The following RBFOX1 variants were observed in gnomAD, a reference collection of about 807,000 sequenced individuals.
The protein encoded by RBFOX1 is RNA binding protein fox-1 homolog 1.
RBFOX1 carries 8 observed loss-of-function variants against 57.7 expected under a neutral mutation model. That is an observed-to-expected ratio of 0.14 (90% CI 0.08 to 0.25). The LOEUF is 0.25. Ranked by LOEUF, RBFOX1 falls within the 10% of genes least tolerant of loss-of-function variation. RBFOX1 has a pLI of 1.00. For synonymous variants in RBFOX1, 326 were observed against 222.4 expected, an observed-to-expected ratio of 1.47 and a Z score of -4.15; for missense variants, 611 against 548.5, an observed-to-expected ratio of 1.11 and a Z score of -1.14.
chr16:6,187,434 T>C (rs893690181), intron 1 of RBFOX1, among the ~76,000 whole-genome samples: 4 of 151,970 alleles, frequency 2.6e-5, no homozygotes, highest in African/African-American at 9.7e-5. Flanking sequence ...GGATAAAAGA[T>C]TGGGAATTTA....
chr16:6,150,912 T>C (rs908205572), intron 1 of RBFOX1, among the ~76,000 whole-genome samples: 6 of 152,198 alleles, frequency 3.9e-5, no homozygotes, highest in African/African-American at 1.4e-4. Flanking sequence ...CGGCAATTCA[T>C]TGATTGACAC....
In RBFOX1 at chr16:5,261,740, C is replaced by T. The variant is rs1218459903; in HGVS notation, c.219+21635C>T. 4.6e-5 allele frequency among the ~76,000 whole-genome samples: 7 copies of T among 152,098 alleles called. No individual in the cohort carries two copies. The East Asian group carries it at 7.8e-4, about 17-fold the overall frequency. On this transcript the variant is annotated intron_variant, in intron 1 of 2. Transcript: ENST00000585867. ...AATTTTTTTGTATTTTTGGTAGACA[C>T]GGGGTTTCACCGTGTTAGCCAGGAT... is the stretch of plus-strand genomic sequence containing the variant.
At chr16:5,381,810 G>A (rs936307605) in intron 1 of RBFOX1, among the ~76,000 whole-genome samples, 1 of 152,194 alleles carries the variant, frequency 6.6e-6, no homozygotes, top group African/African-American at 2.4e-5. Context: ...GTAGAACCAA[G>A]GCTCAGAGAG....
intron 2 of RBFOX1, among the ~76,000 whole-genome samples, chr16:5,584,862 A>C (rs960516147): frequency 2.6e-5 from 4 of 152,152 alleles, no homozygotes; most frequent in Non-Finnish European, 5.9e-5. Context: ...ATGGAGAGGA[A>C]AGCTTCTTTT....
intron 3 of RBFOX1, among the ~76,000 whole-genome samples, chr16:6,908,058 C>A (rs1489348110): frequency 1.3e-5 from 2 of 151,778 alleles, no homozygotes; most frequent in Non-Finnish European, 2.9e-5. Context: ...TTTACTTGAT[C>A]TTCTGCAGAG....
intron 4 of RBFOX1, among the ~76,000 whole-genome samples, chr16:5,972,401 T>G (rs1009740695): frequency 7.9e-5 from 12 of 152,216 alleles, no homozygotes; most frequent in Admixed American, 5.9e-4. Flanking sequence ...TGATGGCAGG[T>G]CCCTCTGTTT....
At chr16:7,444,512 C>T (rs757683643) in intron 4 of RBFOX1, among the ~76,000 whole-genome samples, 1 of 152,078 alleles carries the variant, frequency 6.6e-6, no homozygotes, top group Non-Finnish European at 1.5e-5. Flanking sequence ...AAAAATTCCT[C>T]TGACTGGGTT....
intron 3 of RBFOX1, among the ~76,000 whole-genome samples, chr16:5,645,559 A>G (rs796934526): frequency 2.0e-5 from 3 of 152,366 alleles, no homozygotes; most frequent in African/African-American, 7.2e-5. Flanking sequence ...GTAAATTGTT[A>G]TATGAATTTT....
chr16:6,093,709 C>T (rs952565516), intron 1 of RBFOX1, among the ~76,000 whole-genome samples: 2 of 152,038 alleles, frequency 1.3e-5, no homozygotes, highest in Non-Finnish European at 2.9e-5. Flanking sequence ...GCAGCCTTAA[C>T]CTCCTAGGCT....
rs116318161 is a variant in RBFOX1 at position 5,984,534 on chromosome 16, G to A, written c.351+117199G>A. ...TGCTATGCAAAAGGTTTCATTGACAGGAATTACTTACCTAACCCTTGGAAC... is the reference window on the plus strand; with the variant it reads ...TGCTATGCAAAAGGTTTCATTGACAAGAATTACTTACCTAACCCTTGGAAC... On this transcript the variant is annotated intron_variant, in intron 4 of 19. Coordinates refer to the RBFOX1 transcript ENST00000641259. 4.6e-3 allele frequency among the ~76,000 whole-genome samples: 694 copies of A among 152,158 alleles called. 6 individuals carry two copies. Among genetic ancestry groups the A allele is most frequent in the African/African-American group, 0.016 (666 of 41,512 alleles).
chr16:5,671,938 C>T (rs1440483237), intron 3 of RBFOX1, among the ~76,000 whole-genome samples: 1 of 152,158 alleles, frequency 6.6e-6, no homozygotes, highest in East Asian at 1.9e-4. Flanking sequence ...GGTAGAGTCA[C>T]ACTTATAATC....
At chr16:5,954,033 C>T (rs1228925579) in intron 4 of RBFOX1, among the ~76,000 whole-genome samples, 1 of 152,246 alleles carries the variant, frequency 6.6e-6, no homozygotes, top group South Asian at 2.1e-4. Context: ...GTGCCATCAG[C>T]ATCTAGTGGG....
chr16:7,581,623 A>T (rs1328621062), intron 6 of RBFOX1, among the ~76,000 whole-genome samples: 1 of 152,072 alleles, frequency 6.6e-6, no homozygotes, highest in Admixed American at 6.5e-5. Flanking sequence ...GAGTCTCTCT[A>T]GTCTTACAGA....
chr16:6,635,405 C>A (rs529660273), intron 2 of RBFOX1, among the ~76,000 whole-genome samples: 2 of 152,140 alleles, frequency 1.3e-5, no homozygotes, highest in South Asian at 4.1e-4. Context: ...CTTATCCATG[C>A]AGGACCAAAG....
chr16:6,755,329 A>G (rs1382642007), intron 3 of RBFOX1, among the ~76,000 whole-genome samples: 1 of 152,098 alleles, frequency 6.6e-6, no homozygotes, highest in Non-Finnish European at 1.5e-5. Context: ...ACAGTGTAAA[A>G]GTGTTCCTAT....
chr16:7,510,133 G>T, intron 4 of RBFOX1: 2 of 985,758 alleles, frequency 2.0e-6, no homozygotes, highest in South Asian at 9.4e-5. Flanking sequence ...GATGTTGAGG[G>T]GGAGGTCAGC....
Position 7,595,593 on chromosome 16 carries a change from GGC to G in RBFOX1, c.515_516del (p.Ala172GlufsTer13). ...TCGAAAATAGTGCCGATGCGGACAG[GGC>G]GAGGGAGAAATTACACGGCACCGTG... ...TFENSADADR[A>X]REKLHGTVVE... On this transcript the variant is annotated frameshift_variant, in exon 8 of 16. Transcript: ENST00000550418. LOFTEE classifies it high-confidence loss of function. The G allele has an allele frequency of 6.4e-7, 1 of 1,569,656 alleles. No individual in the cohort carries two copies. Among genetic ancestry groups the G allele is most frequent in the Non-Finnish European group, 8.7e-7 (1 of 1,155,250 alleles).
intron 4 of RBFOX1, among the ~76,000 whole-genome samples, chr16:5,939,866 T>C (rs1485660498): frequency 6.6e-6 from 1 of 152,176 alleles, no homozygotes; most frequent in Non-Finnish European, 1.5e-5. Context: ...AGTTGCAGGT[T>C]GACAGTGTGG....
chr16:5,597,514 C>G (rs1207701573), intron 2 of RBFOX1, among the ~76,000 whole-genome samples: 7 of 151,418 alleles, frequency 4.6e-5, no homozygotes, highest in Admixed American at 3.3e-4. Context: ...ATTCTCCTCC[C>G]TTAGCCTCCC....
Sources: allele counts gnomAD v4.1 joint callset (sites outside exome capture counted in the v4.1 genomes callset), GRCh38; gene constraint gnomAD v4.1.1; transcripts MANE v1.5; gene names NCBI Gene and HGNC (gene_info 2026-07-23, HGNC 2026-07-21).